Variants in WDPCP observed in about 807,000 individuals in gnomAD.
WDPCP encodes WD repeat containing planar cell polarity effector.
Under a neutral mutation model 93.1 loss-of-function variants are expected in WDPCP, and 71 were observed. The observed-to-expected ratio is 0.76, with a 90% CI of 0.63 to 0.93. WDPCP has a LOEUF of 0.93. WDPCP is among the 40% of genes least tolerant of loss of function. The pLI is 0.00. For synonymous variants in WDPCP, 315 were observed against 315.0 expected (o/e 1.00, Z 0.00); for missense variants, 844 against 887.4 (o/e 0.95, Z 0.62).
intron 12 of WDPCP, among the ~76,000 whole-genome samples, chr2:63,313,872 A>ATGTGCGTGTG (rs377622195): frequency 9.8e-6 from 1 of 101,604 alleles, no homozygotes; most frequent in African/African-American, 3.7e-5. Flanking sequence ...ATATATATAT[A>ATGTGCGTGTG]TATATATATA....
intron 1 of WDPCP, among the ~76,000 whole-genome samples, chr2:63,496,978 G>A (rs1242348897): frequency 6.6e-6 from 1 of 151,958 alleles, no homozygotes; most frequent in African/African-American, 2.4e-5. Context: ...TGGGCATGGT[G>A]GAATGCACCT....
At chr2:63,249,747 CCTTTAT>C (rs1306511027) in intron 14 of WDPCP, among the ~76,000 whole-genome samples, 1 of 152,170 alleles carries the variant, frequency 6.6e-6, no homozygotes, top group Non-Finnish European at 1.5e-5. Flanking sequence ...TGGTAGTCTT[CCTTTAT>C]CCATGGGGTA....
At chr2:63,634,348 C>G (rs184719542) in intron 3 of WDPCP, among the ~76,000 whole-genome samples, 2 of 152,256 alleles carry the variant, frequency 1.3e-5, no homozygotes, top group East Asian at 3.9e-4. Flanking sequence ...AATATGCACC[C>G]AGTATTGGAA....
At chr2:63,647,776 C>A (rs1710068163) in intron 3 of WDPCP, among the ~76,000 whole-genome samples, 1 of 151,966 alleles carries the variant, frequency 6.6e-6, no homozygotes, top group Admixed American at 6.6e-5. Flanking sequence ...GGATACAAGA[C>A]CCTCTCTGTA....
At chr2:63,525,960 C>T (rs909749410) in intron 1 of WDPCP, among the ~76,000 whole-genome samples, 3 of 152,180 alleles carry the variant, frequency 2.0e-5, no homozygotes, top group African/African-American at 4.8e-5. Flanking sequence ...GCAACAGCCA[C>T]ACCAGAAGTC....
chr2:63,369,584 GA>G (rs370762574), intron 12 of WDPCP: 1 of 446,580 alleles, frequency 2.2e-6, no homozygotes, highest in Non-Finnish European at 4.5e-6. Context: ...CATCCCAAAT[GA>G]AAAAAATAAC....
chr2:63,196,440 G>T (rs1295732554), intron 14 of WDPCP, among the ~76,000 whole-genome samples: 1 of 152,138 alleles, frequency 6.6e-6, no homozygotes, highest in African/African-American at 2.4e-5. Flanking sequence ...TGAAAATACA[G>T]CTTTCATGTG....
intron 12 of WDPCP, among the ~76,000 whole-genome samples, chr2:63,338,366 A>G (rs1433100863): frequency 6.6e-6 from 1 of 151,666 alleles, no homozygotes; most frequent in Admixed American, 6.6e-5. Context: ...AGCCTGGCCA[A>G]CATGGTGAAA....
intron 1 of WDPCP, among the ~76,000 whole-genome samples, chr2:63,814,942 C>T (rs1035702517): frequency 5.3e-5 from 8 of 152,158 alleles, no homozygotes; most frequent in Non-Finnish European, 1.0e-4. Context: ...GAATAAACTT[C>T]CAAATTTATT....
In WDPCP at chr2:63,758,094, GT is replaced by G. The variant is rs76567414; in HGVS notation, n.308+55527del. On this transcript the variant is annotated intron_variant and non_coding_transcript_variant, in intron 2 of 4. Coordinates refer to the WDPCP transcript ENST00000467687. ...ATCAACCTGAGATAAAGTGTTGTTGGTTTTTTTTTTTTTTATAACCAACCTA... is the reference window on the plus strand; with the variant it reads ...ATCAACCTGAGATAAAGTGTTGTTGGTTTTTTTTTTTTTATAACCAACCTA... Among the ~76,000 whole-genome samples, 928 of 141,578 alleles carry G rather than the reference GT, an allele frequency of 6.6e-3. 3 individuals are homozygous for G. The highest frequency in any genetic ancestry group is 0.018 in the African/African-American group (699 of 38,986). 92.9% of individuals were successfully genotyped at this position (141,578 alleles called of 152,430 possible).
chr2:63,216,900 A>G (rs1017033264), intron 14 of WDPCP, among the ~76,000 whole-genome samples: 2 of 152,188 alleles, frequency 1.3e-5, no homozygotes, highest in African/African-American at 4.8e-5. Context: ...AAGACACTGA[A>G]TTGGGTTCAC....
chr2:63,783,261 T>C (rs1294250449), intron 2 of WDPCP, among the ~76,000 whole-genome samples: 1 of 149,640 alleles, frequency 6.7e-6, no homozygotes, highest in Non-Finnish European at 1.5e-5. Flanking sequence ...AAAAAAAAAA[T>C]TAAAAAGGAA....
chr2:63,606,482 G>A (rs262472), intron 3 of WDPCP, among the ~76,000 whole-genome samples: 122,257 of 152,194 alleles, frequency 0.8, 49,761 homozygotes, highest in East Asian at 0.98. Flanking sequence ...TCAGGTCATT[G>A]AAAGTTTTTA....
intron 6 of WDPCP, among the ~76,000 whole-genome samples, chr2:63,445,060 T>C (rs1413835322): frequency 6.6e-6 from 1 of 152,138 alleles, no homozygotes; most frequent in African/African-American, 2.4e-5. Context: ...AGTGAAACGG[T>C]ACTTTGAGGG....
intron 17 of WDPCP, among the ~76,000 whole-genome samples, chr2:63,133,402 T>C (rs1202540638): frequency 6.6e-6 from 1 of 152,182 alleles, no homozygotes; most frequent in Non-Finnish European, 1.5e-5. Context: ...GTTAGAATGT[T>C]GCAAATAAGG....
Position 63,313,239 on chromosome 2 carries a change from A to G in WDPCP, c.1812+9T>C. ...TGAAGGCACAAAATCATCTCTGAAA[A>G]TGACTCACCATAAAGAGGTCACGAG... On this transcript the variant is annotated intron_variant, in intron 13 of 17. Transcript: ENST00000272321. The G allele has an allele frequency of 6.2e-7, 1 of 1,613,106 alleles. No homozygotes were observed. The highest frequency in any genetic ancestry group is 1.1e-5 in the South Asian group (1 of 91,020).
At position 63,588,259 on chromosome 2, in the gene WDPCP, A is replaced by C; in HGVS notation, c.13T>G (p.Phe5Val). The part of the protein sequence containing the change: MRRE[F>V]CWDAYSKAAG... ...GCTTTGGAGTAGGCGTCCCAGCAAA[A>C]CTCTCGCCTCATCACCAGACACTAC... The change falls in exon 1 of 18, where the codon TTT becomes GTT. Residue 5 changes from phenylalanine (F) to valine (V), a missense_variant. By Grantham distance (50) the Phe-to-Val change is conservative. Coordinates refer to ENST00000272321, the MANE Select transcript of WDPCP (RefSeq NM_015910.7). 6.3e-7 allele frequency: 1 copy of C among 1,574,848 alleles called. No individual in the cohort carries two copies. The highest frequency in any genetic ancestry group is 8.6e-7 in the Non-Finnish European group (1 of 1,157,960).
intron 2 of WDPCP, among the ~76,000 whole-genome samples, chr2:63,765,272 AG>A (rs1194046060): frequency 5.3e-5 from 8 of 152,304 alleles, no homozygotes; most frequent in Admixed American, 3.9e-4. Flanking sequence ...TGAACAATAA[AG>A]GGTAGGGAAG....
In WDPCP at chr2:63,170,880, A is replaced by G. The variant is rs28536168; in HGVS notation, c.2078+3790T>C. On this transcript the variant is annotated intron_variant, in intron 15 of 17. Coordinates refer to ENST00000272321, the MANE Select transcript of WDPCP (RefSeq NM_015910.7). ...TCATCGAATAGACATATAGATCAAT[A>G]GAGCAGAATGACAAATCCAGAAATA... is the stretch of plus-strand genomic sequence containing the variant. 6.4e-3 allele frequency among the ~76,000 whole-genome samples: 976 copies of G among 152,320 alleles called. 12 individuals carry two copies. Among genetic ancestry groups the G allele is most frequent in the African/African-American group, 0.022 (922 of 41,560 alleles).
Sources: allele counts gnomAD v4.1 joint callset (sites outside exome capture counted in the v4.1 genomes callset), GRCh38; gene constraint gnomAD v4.1.1; transcripts MANE v1.5; gene names NCBI Gene and HGNC (gene_info 2026-07-23, HGNC 2026-07-21).